The following PRDM2 variants were observed in gnomAD, a reference collection of about 807,000 sequenced individuals.
PRDM2 encodes PR domain zinc finger protein 2.
PRDM2 carries 30 observed loss-of-function variants against 130.0 expected under a neutral mutation model. That is an observed-to-expected ratio of 0.23 (90% CI 0.17 to 0.31). The LOEUF (loss-of-function observed/expected upper bound fraction) is 0.31. PRDM2 is among the 10% of genes least tolerant of loss of function. The pLI, the probability that PRDM2 is intolerant of heterozygous loss-of-function variation, is 1.00. For missense variants in PRDM2, 2,011 were observed against 2,108.4 expected (o/e 0.95, Z 0.90); for synonymous variants, 871 against 782.4 (o/e 1.11, Z -1.89).
chr1:13,776,949 C>T (rs1644488163), intron 7 of PRDM2, among the ~76,000 whole-genome samples: 1 of 152,120 alleles, frequency 6.6e-6, no homozygotes, highest in Non-Finnish European at 1.5e-5. Flanking sequence ...AATTTCTAGG[C>T]CAGCCTCTTT....
chr1:13,781,981 C>A lies in PRDM2; in HGVS notation c.4186C>A (p.Arg1396=), dbSNP rs1033975386. 6.2e-7 allele frequency: 1 copy of A among 1,614,074 alleles called. No homozygotes were observed. Residue 1396 remains arginine, a synonymous_variant, in exon 8 of 10, where the codon CGA becomes AGA. Transcript: ENST00000311066. This position sits in a 1 kb window ranked among gnomAD's most constrained non-coding sequence, Gnocchi z 6.1. The part of the protein sequence containing the change: ...LDNSGKNAFR[R]MGQPKRLNFS... ...TAACTCTGGGAAAAATGCCTTCCGACGAATGGGACAGCCCAAAAGGCTTAA... is the reference window on the plus strand; with the variant it reads ...TAACTCTGGGAAAAATGCCTTCCGAAGAATGGGACAGCCCAAAAGGCTTAA...
In PRDM2 at chr1:13,779,844, A is replaced by C; in HGVS notation, c.2049A>C (p.Lys683Asn). Residue 683 changes from lysine to asparagine, a missense_variant, in exon 8 of 10, where the codon AAA (lysine) becomes AAC (asparagine). Coordinates refer to ENST00000311066, the MANE Select transcript of PRDM2 (RefSeq NM_001393986.1). The surrounding 1 kb of genome is among the most constrained non-coding windows in gnomAD (Gnocchi z 4.9). The part of the protein sequence containing the change: ...TTEAVSFHKE[K>N]SVYLSSKLKQ... Reference sequence around the variant, plus strand: ...AGGCAGTGTCTTTCCACAAAGAGAAAAGTGTTTATTTGTCATCAAAGCTCA... The same window carrying C: ...AGGCAGTGTCTTTCCACAAAGAGAACAGTGTTTATTTGTCATCAAAGCTCA... 6.2e-7 allele frequency: 1 copy of C among 1,614,180 alleles called. No homozygotes were observed. Among genetic ancestry groups the C allele is most frequent in the Non-Finnish European group, 8.5e-7 (1 of 1,180,036 alleles).
rs1054745743 is a variant in PRDM2 at position 13,771,877 on chromosome 1, A to C, written c.512-1201A>C. ...AGGATTTGTTTTTGCTTTGTATTGT[A>C]TTTGATGTTTCTACTTTTAATCTAG... is the stretch of plus-strand genomic sequence containing the variant. On this transcript the variant is annotated intron_variant, in intron 6 of 9. Transcript: ENST00000311066. The surrounding 1 kb of genome is among the most constrained non-coding windows in gnomAD (Gnocchi z 4.1). 6 of 152,114 alleles carry C rather than the reference A, an allele frequency of 3.9e-5. No homozygotes were observed. Among genetic ancestry groups the C allele is most frequent in the Admixed American group, 2.0e-4 (3 of 15,276 alleles). The allele number at this position is 152,114 out of a possible 1,614,324, so 9.4% of individuals were successfully genotyped here.
At chr1:13,718,426 T>C (rs1642614809) in intron 2 of PRDM2, among the ~76,000 whole-genome samples, 1 of 152,192 alleles carries the variant, frequency 6.6e-6, no homozygotes, top group African/African-American at 2.4e-5. Context: ...GAAGAAGCAG[T>C]AGAGTCCACA....
In PRDM2 at chr1:13,773,124, A is replaced by G. The variant is rs768637923; in HGVS notation, c.558A>G (p.Gln186=). 9.6e-5 allele frequency: 152 copies of G among 1,575,646 alleles called. No homozygotes were observed. The highest frequency in any genetic ancestry group is 1.2e-4 in the Non-Finnish European group (145 of 1,165,938). Reference sequence around the variant, plus strand: ...ATAAAAACAAAGGAAACAAAATCCAAGACATACAACTGAAGACAAGTGAGC... The same window carrying G: ...ATAAAAACAAAGGAAACAAAATCCAGGACATACAACTGAAGACAAGTGAGC... ...QENKNKGNKI[Q]DIQLKTSEPD... is the part of the protein sequence containing the mutation. The change falls in exon 7 of 10, where the codon CAA becomes CAG. Residue 186 remains glutamine, a synonymous_variant. Coordinates refer to ENST00000311066, the MANE Select transcript of PRDM2 (RefSeq NM_001393986.1).
intron 2 of PRDM2, among the ~76,000 whole-genome samples, chr1:13,723,933 CT>C (rs1318528086): frequency 2.6e-5 from 4 of 152,214 alleles, no homozygotes; most frequent in African/African-American, 9.7e-5. Context: ...CTAAACTTGC[CT>C]CTCTGGAGAG....
chr1:13,706,984 A>G (rs1488604857), intron 1 of PRDM2, among the ~76,000 whole-genome samples: 2 of 152,168 alleles, frequency 1.3e-5, no homozygotes, highest in African/African-American at 4.8e-5. Flanking sequence ...AAAAAAAAAA[A>G]CTTAATAAAA....
rs2100674634 is a variant in PRDM2 at position 13,782,252 on chromosome 1, C to T, written c.4457C>T (p.Pro1486Leu). ...TGTCCCAAAAAACCCCTTTCTCCTC[C>T]CAAAAAAAAAGTTTCTCATTCATCT... ...FSCPKKPLSP[P>L]KKKVSHSSKK... The change falls in exon 8 of 10, where the codon CCC (proline) becomes CTC (leucine). Residue 1486 changes from proline to leucine, a missense_variant. By Grantham distance (98) the Pro-to-Leu change is moderately conservative. Around this residue, in one of 5 missense-constraint regions of PRDM2, gnomAD observed 410 missense variants for 395.9 expected, o/e 1.04. Coordinates refer to ENST00000311066, the MANE Select transcript of PRDM2 (RefSeq NM_001393986.1). 1 of 1,612,938 alleles carries T rather than the reference C, an allele frequency of 6.2e-7. No individual in the cohort carries two copies. The highest frequency in any genetic ancestry group is 1.7e-5 in the Admixed American group (1 of 59,710).
At chr1:13,728,412 A>G (rs1362999223) in intron 2 of PRDM2, among the ~76,000 whole-genome samples, 1 of 152,206 alleles carries the variant, frequency 6.6e-6, no homozygotes, top group African/African-American at 2.4e-5. Flanking sequence ...CCATGAATCT[A>G]CCTTCTACTT....
chr1:13,786,719 C>CA (rs1644749448), intron 8 of PRDM2: 1 of 1,435,912 alleles, frequency 7.0e-7, no homozygotes, highest in Admixed American at 2.8e-5. Context: ...GGTGGGGGCC[C>CA]AACGCGCATG....
At chr1:13,793,413 G>A (rs1400153407) in intron 8 of PRDM2, among the ~76,000 whole-genome samples, 1 of 152,240 alleles carries the variant, frequency 6.6e-6, no homozygotes, top group Admixed American at 6.5e-5. Flanking sequence ...CCAGGTCTTA[G>A]TAGCCGGCCC....
chr1:13,774,450 A>T (rs537924544), intron 7 of PRDM2, among the ~76,000 whole-genome samples: 1 of 152,362 alleles, frequency 6.6e-6, no homozygotes, highest in East Asian at 1.9e-4. Context: ...TTCATAAAAG[A>T]TATAATTTTC....
chr1:13,781,010 C>T lies in PRDM2; in HGVS notation c.3215C>T (p.Ser1072Phe). 1 of 1,603,404 alleles carries T rather than the reference C, an allele frequency of 6.2e-7. No individual in the cohort carries two copies. Among genetic ancestry groups the T allele is most frequent in the Non-Finnish European group, 8.5e-7 (1 of 1,170,318 alleles). The change falls in exon 8 of 10, where the codon TCT becomes TTT. Residue 1072 changes from serine to phenylalanine, a missense_variant. This residue lies in a region of PRDM2 where 1,288 missense variants were observed against 1,237.7 expected (regional missense o/e 1.04). Coordinates refer to ENST00000311066, the MANE Select transcript of PRDM2 (RefSeq NM_001393986.1). This position sits in a 1 kb window ranked among gnomAD's most constrained non-coding sequence, Gnocchi z 6.1. The part of the protein sequence containing the change: ...SSFSSSSSSS[S>F]PSPPPLSAIS... The stretch of plus-strand genomic sequence containing the variant: ...TTTTCTTCTTCATCTTCCTCCTCTT[C>T]TCCTTCTCCACCTCCTCTCTCCGCA...
chr1:13,717,452 A>T (rs994380478), intron 2 of PRDM2: 2 of 983,394 alleles, frequency 2.0e-6, no homozygotes, highest in South Asian at 9.4e-5. Flanking sequence ...TGGAATCTAA[A>T]TGTTAATATT....
At chr1:13,818,926 G>A (rs957192020) in intron 9 of PRDM2, among the ~76,000 whole-genome samples, 1 of 152,084 alleles carries the variant, frequency 6.6e-6, no homozygotes, top group Non-Finnish European at 1.5e-5. Context: ...AGAGCTGGGA[G>A]GCCCTGGGAG....
intron 4 of PRDM2, among the ~76,000 whole-genome samples, chr1:13,734,405 C>G (rs764319732): frequency 6.6e-6 from 1 of 152,196 alleles, no homozygotes; most frequent in Non-Finnish European, 1.5e-5. Flanking sequence ...ACTGCTTTCT[C>G]TAGTGCTGTG....
intron 2 of PRDM2, chr1:13,722,875 A>G (rs1176631744): frequency 1.9e-6 from 1 of 514,594 alleles, no homozygotes; most frequent in African/African-American, 1.9e-5. Flanking sequence ...CTGCTTATTC[A>G]AGAAGACAAA....
rs534728175 is a variant in PRDM2, at chr1:13,819,345, T to G, written c.*23+2775T>G. On this transcript the variant is annotated intron_variant, in intron 9 of 9. Coordinates refer to ENST00000311066, the MANE Select transcript of PRDM2 (RefSeq NM_001393986.1). The stretch of plus-strand genomic sequence containing the variant: ...GGTGATGGCCTTCTTTTTCCTTCTT[T>G]AAAAACATACAGTTTCCCAAGCGAA... Among the ~76,000 whole-genome samples the G allele has an allele frequency of 8.5e-5, 13 of 152,308 alleles. No homozygotes were observed. The South Asian group carries it at 1.5e-3, about 17-fold the overall frequency.
chr1:13,790,160 G>A (rs2100702763), intron 8 of PRDM2, among the ~76,000 whole-genome samples: 1 of 152,314 alleles, frequency 6.6e-6, no homozygotes, highest in Admixed American at 6.5e-5. Context: ...TGGGTAATAT[G>A]TACTTTAAAG....
Sources: allele counts gnomAD v4.1 joint callset (sites outside exome capture counted in the v4.1 genomes callset), GRCh38; gene constraint gnomAD v4.1.1; regional missense constraint gnomAD v4.1.1; non-coding constraint Gnocchi (gnomAD v3.1); transcripts MANE v1.5; gene names NCBI Gene and HGNC (gene_info 2026-07-23, HGNC 2026-07-21).